Variants in CFDP1 observed in about 807,000 individuals in gnomAD.
CFDP1 encodes the protein chromatin remodeling protein CFDP1, also known as heterochromatin-stabilizing protein CFDP1.
Under a neutral mutation model 40.1 loss-of-function variants are expected in CFDP1, and 31 were observed. The ratio of observed to expected loss-of-function variants is 0.77; its 90% CI spans 0.58 to 1.04. The LOEUF (loss-of-function observed/expected upper bound fraction) is 1.04. Among genes scored for constraint, CFDP1 ranks in the 50% least tolerant of loss-of-function variants. CFDP1 has a pLI of 0.00. For synonymous variants in CFDP1, 167 were observed against 120.0 expected, an observed-to-expected ratio of 1.39 and a Z score of -2.56; for missense variants, 423 against 343.4, an observed-to-expected ratio of 1.23 and a Z score of -1.83.
chr16:75,419,032 A>G, intron 1 of CFDP1: 1 of 403,276 alleles, frequency 2.5e-6, no homozygotes, highest in South Asian at 1.8e-5. Context: ...AGTTCCATCT[A>G]CTGGGGAGGC....
At chr16:75,418,579 G>A (rs551457152) in intron 1 of CFDP1, among the ~76,000 whole-genome samples, 3 of 152,026 alleles carry the variant, frequency 2.0e-5, no homozygotes, top group Non-Finnish European at 2.9e-5. Context: ...AAAGTGCTGG[G>A]ATTACAGGCG....
intron 5 of CFDP1, 111 bp downstream of exon 5, chr16:75,394,977 ATC>A (rs2078983942): frequency 5.4e-6 from 7 of 1,293,988 alleles, no homozygotes; most frequent in Non-Finnish European, 6.4e-6. Flanking sequence ...GCAAAGCAGC[ATC>A]ATAATTCTCT....
At chr16:75,374,662 A>C (rs1022117311) in intron 5 of CFDP1, among the ~76,000 whole-genome samples, 2 of 151,990 alleles carry the variant, frequency 1.3e-5, no homozygotes, top group Non-Finnish European at 2.9e-5. Flanking sequence ...TAAAAAAAAA[A>C]CACACAGAAA....
chr16:75,328,185 T>C (rs2078417734), intron 5 of CFDP1, among the ~76,000 whole-genome samples: 1 of 150,700 alleles, frequency 6.6e-6, no homozygotes, highest in Admixed American at 6.6e-5. Context: ...GGTCTCACTA[T>C]GTTGCCCAGG....
chr16:75,326,992 C>T (rs761272795), intron 5 of CFDP1, among the ~76,000 whole-genome samples: 9 of 152,176 alleles, frequency 5.9e-5, no homozygotes, highest in Non-Finnish European at 1.3e-4. Flanking sequence ...GGGAATAGGC[C>T]GGGCGCAGTG....
chr16:75,407,415 A>G (rs1018750043), intron 4 of CFDP1, among the ~76,000 whole-genome samples: 1 of 151,858 alleles, frequency 6.6e-6, no homozygotes, highest in Non-Finnish European at 1.5e-5. Context: ...GGTGGCTCAT[A>G]CTTGTAATCC....
chr16:75,310,453 T>C (rs970485430), intron 5 of CFDP1, among the ~76,000 whole-genome samples: 1 of 152,136 alleles, frequency 6.6e-6, no homozygotes, highest in African/African-American at 2.4e-5. Flanking sequence ...AAATGACAAG[T>C]CATCTTTTTC....
At position 75,433,320 on chromosome 16, in the gene CFDP1, C is replaced by A. The variant is rs775686348; in HGVS notation, c.33G>T (p.Thr11=). 1.0e-5 allele frequency: 16 copies of A among 1,602,114 alleles called. No individual in the cohort carries two copies. Among genetic ancestry groups the A allele is most frequent in the Non-Finnish European group, 1.4e-5 (16 of 1,175,254 alleles). The change falls in exon 1 of 7, where the codon ACG becomes ACT. Residue 11 remains threonine, a synonymous_variant. Transcript: ENST00000283882. Reference sequence around the variant, plus strand: ...GCACGTAGTCCTCGTCCTCCTCCGACGTAGAGAAGTCTTCGGAGTCGAATT... The same window carrying A: ...GCACGTAGTCCTCGTCCTCCTCCGAAGTAGAGAAGTCTTCGGAGTCGAATT... The part of the protein sequence containing the change: MEEFDSEDFS[T]SEEDEDYVPS...
chr16:75,314,258 T>C (rs1268292334), intron 5 of CFDP1, among the ~76,000 whole-genome samples: 1 of 152,130 alleles, frequency 6.6e-6, no homozygotes, highest in East Asian at 1.9e-4. Flanking sequence ...GGCAGTAAGA[T>C]AAGTTACTTA....
chr16:75,333,122 C>CTTT (rs1281826055), intron 5 of CFDP1, among the ~76,000 whole-genome samples: 14 of 87,166 alleles, frequency 1.6e-4, no homozygotes, highest in African/African-American at 5.2e-4. Flanking sequence ...TACTCATGTT[C>CTTT]TTTTTTTTTT....
chr16:75,330,992 G>A (rs1238275830), intron 5 of CFDP1, among the ~76,000 whole-genome samples: 2 of 145,288 alleles, frequency 1.4e-5, no homozygotes, highest in Non-Finnish European at 3.0e-5. Context: ...AAAACACAAA[G>A]TGGGCCTTAT....
At chr16:75,380,578 C>G (rs574375716) in intron 5 of CFDP1, among the ~76,000 whole-genome samples, 11 of 151,954 alleles carry the variant, frequency 7.2e-5, no homozygotes, top group Non-Finnish European at 1.3e-4. Context: ...AATCACATAA[C>G]AGCCCAAGGA....
chr16:75,425,900 GT>G (rs2079336513), intron 1 of CFDP1, among the ~76,000 whole-genome samples: 1 of 151,288 alleles, frequency 6.6e-6, no homozygotes, highest in Non-Finnish European at 1.5e-5. Context: ...GCCAGGCGTG[GT>G]GGCAGGCGCC....
At chr16:75,333,959 C>A (rs781509287) in intron 5 of CFDP1, among the ~76,000 whole-genome samples, 2 of 152,184 alleles carry the variant, frequency 1.3e-5, no homozygotes, top group African/African-American at 2.4e-5. Flanking sequence ...GACTTCTGGG[C>A]TGCCCCCACC....
At chr16:75,386,696 G>A (rs1042845949) in intron 5 of CFDP1, among the ~76,000 whole-genome samples, 4 of 152,206 alleles carry the variant, frequency 2.6e-5, no homozygotes, top group Non-Finnish European at 4.4e-5. Context: ...CTGCACTCCA[G>A]CCTGGGCAAC....
intron 6 of CFDP1, among the ~76,000 whole-genome samples, chr16:75,302,102 G>C (rs1597317893): frequency 6.6e-6 from 1 of 152,132 alleles, no homozygotes; most frequent in East Asian, 1.9e-4. Flanking sequence ...AAAGGAGGAT[G>C]GTATTAGTTA....
At chr16:75,372,853 T>C (rs1485034029) in intron 5 of CFDP1, among the ~76,000 whole-genome samples, 11 of 152,090 alleles carry the variant, frequency 7.2e-5, no homozygotes, top group African/African-American at 2.4e-4. Context: ...CCAGAGTACA[T>C]GTGAGGGAGG....
intron 5 of CFDP1, chr16:75,379,888 A>C (rs1597367854): frequency 6.6e-6 from 1 of 152,182 alleles, no homozygotes; most frequent in African/African-American, 2.4e-5. Context: ...CTGTAATCTA[A>C]GCACTTTGGG....
chr16:75,337,287 AG>A (rs2078496076), intron 5 of CFDP1, among the ~76,000 whole-genome samples: 1 of 152,146 alleles, frequency 6.6e-6, no homozygotes, highest in South Asian at 2.1e-4. Context: ...CAGCGGCCAC[AG>A]GCAGTACCAC....
Sources: allele counts gnomAD v4.1 joint callset (sites outside exome capture counted in the v4.1 genomes callset), GRCh38; gene constraint gnomAD v4.1.1; transcripts MANE v1.5; gene names NCBI Gene and HGNC (gene_info 2026-07-23, HGNC 2026-07-21).